Variants in CPNE4 observed in about 807,000 individuals in gnomAD.
The protein encoded by CPNE4 is copine-4.
Under a neutral mutation model 67.9 loss-of-function variants are expected in CPNE4, and 25 were observed. The observed-to-expected ratio is 0.37, with a 90% CI of 0.27 to 0.51. CPNE4 has a LOEUF of 0.51. Ranked by LOEUF, CPNE4 falls within the 20% of genes least tolerant of loss-of-function variation. CPNE4 has a pLI of 0.93. For missense variants in CPNE4, 464 were observed against 690.8 expected, an observed-to-expected ratio of 0.67 and a Z score of 3.68; for synonymous variants, 242 against 244.9, an observed-to-expected ratio of 0.99 and a Z score of 0.11.
chr3:131,988,117 C>T (rs1008532170), intron 1 of CPNE4, among the ~76,000 whole-genome samples: 22 of 152,172 alleles, frequency 1.4e-4, no homozygotes, highest in Non-Finnish European at 2.9e-4. Flanking sequence ...CCCCTTCCCC[C>T]AGGATTTATG....
chr3:131,869,839 T>C (rs1583371118), intron 2 of CPNE4, among the ~76,000 whole-genome samples: 1 of 152,304 alleles, frequency 6.6e-6, no homozygotes, highest in East Asian at 1.9e-4. Flanking sequence ...CATACCAGGC[T>C]GTCTGTTTGG....
chr3:131,905,185 C>T lies in CPNE4; in HGVS notation c.180+79G>A, dbSNP rs1463592264. ...TTTCTTATTTCATCAAAATAAACCA[C>T]CTGAAGATATAAAATATCAAAACAT... is the stretch of plus-strand genomic sequence containing the variant. On this transcript the variant is annotated intron_variant, in intron 2 of 15. Transcript: ENST00000429747. The T allele has an allele frequency of 4.8e-6, 6 of 1,247,680 alleles. No homozygotes were observed. The African/African-American group carries it at 9.0e-5, about 19-fold the overall frequency. The allele number at this position is 1,247,680 out of a possible 1,614,324, so 77.3% of individuals were successfully genotyped here. A position where few individuals can be genotyped will look rare whatever the true frequency, so the allele number is the denominator to read the frequency against.
intron 7 of CPNE4, among the ~76,000 whole-genome samples, chr3:131,590,121 C>T (rs1292552725): frequency 6.6e-6 from 1 of 152,164 alleles, no homozygotes; most frequent in Non-Finnish European, 1.5e-5. Flanking sequence ...TCCCAATTTG[C>T]CCTTCTTCCA....
At position 131,975,268 on chromosome 3, in the gene CPNE4, C is replaced by T. The variant is rs558284884; in HGVS notation, c.-2+59299G>A. 2.1e-3 allele frequency among the ~76,000 whole-genome samples: 316 copies of T among 152,126 alleles called. 1 individual carries two copies. The highest frequency in any genetic ancestry group is 3.4e-3 in the Middle Eastern group (1 of 294). On this transcript the variant is annotated intron_variant, in intron 1 of 15. Transcript: ENST00000429747. ...ACCCAGTCAAAGTCATGAGGAGAAACAGGAAGCGATAAGAAAGTCAGCCTC... is the reference window on the plus strand; with the variant it reads ...ACCCAGTCAAAGTCATGAGGAGAAATAGGAAGCGATAAGAAAGTCAGCCTC...
chr3:131,645,302 TC>T (rs2079639142), intron 7 of CPNE4, among the ~76,000 whole-genome samples: 1 of 152,220 alleles, frequency 6.6e-6, no homozygotes, highest in East Asian at 1.9e-4. Flanking sequence ...CATTTTTTTT[TC>T]TTGGAAACAC....
intron 1 of CPNE4, among the ~76,000 whole-genome samples, chr3:131,938,451 A>G (rs1156577287): frequency 2.0e-5 from 3 of 152,170 alleles, no homozygotes; most frequent in African/African-American, 7.2e-5. Context: ...AAAATGTCTC[A>G]AACAATAATG....
At chr3:132,007,584 A>T (rs940588880) in intron 1 of CPNE4, among the ~76,000 whole-genome samples, 4 of 150,980 alleles carry the variant, frequency 2.6e-5, no homozygotes, top group African/African-American at 4.9e-5. Flanking sequence ...TATGCCTTGG[A>T]GTTGTGCCAT....
Position 131,535,112 on chromosome 3 carries a change from A to C in CPNE4, c.*83T>G. On this transcript the variant is annotated 3_prime_UTR_variant, in exon 16 of 16. Transcript: ENST00000429747. ...AATGTGTATATGTTGTTGGTTTTTTAAAGTACAGGAGTAGTAGAAGTATTA... is the reference window on the plus strand; with the variant it reads ...AATGTGTATATGTTGTTGGTTTTTTCAAGTACAGGAGTAGTAGAAGTATTA... 1.4e-6 allele frequency: 2 copies of C among 1,379,440 alleles called. No homozygotes were observed. Among genetic ancestry groups the C allele is most frequent in the East Asian group, 2.4e-5 (1 of 41,760 alleles). The allele number at this position is 1,379,440 out of a possible 1,614,324, so 85.5% of individuals were successfully genotyped here. A position where few individuals can be genotyped will look rare whatever the true frequency, so the allele number is the denominator to read the frequency against.
intron 2 of CPNE4, among the ~76,000 whole-genome samples, chr3:131,865,572 T>C (rs1360438751): frequency 6.6e-6 from 1 of 152,164 alleles, no homozygotes. Context: ...AAGATAATTA[T>C]TTGTTTATGT....
rs1029676482 is a variant in CPNE4, at chr3:132,035,007, C to T, written c.-442G>A. ...CAGCTTCTCACAGAGAGATTTCCAC[C>T]TTCTGACGAATCCCATGCACCCAGC... is the stretch of plus-strand genomic sequence containing the variant. On this transcript the variant is annotated 5_prime_UTR_variant, in exon 1 of 16. Coordinates refer to ENST00000429747, the MANE Select transcript of CPNE4 (RefSeq NM_130808.3). The T allele has an allele frequency of 4.1e-6, 4 of 985,326 alleles. No homozygotes were observed. Among genetic ancestry groups the T allele is most frequent in the Admixed American group, 6.2e-5 (1 of 16,258 alleles). The allele number at this position is 985,326 out of a possible 1,614,324, so 61.0% of individuals were successfully genotyped here.
At chr3:131,827,319 T>A (rs899171926) in intron 2 of CPNE4, among the ~76,000 whole-genome samples, 1 of 150,876 alleles carries the variant, frequency 6.6e-6, no homozygotes, top group African/African-American at 2.5e-5. Flanking sequence ...ACTGCACACA[T>A]GACTTTAATG....
At chr3:131,703,332 T>C (rs918440283) in intron 3 of CPNE4, among the ~76,000 whole-genome samples, 2 of 152,224 alleles carry the variant, frequency 1.3e-5, no homozygotes, top group African/African-American at 4.8e-5. Context: ...TGATTCTTTA[T>C]ACCCTATGAT....
At chr3:131,866,204 C>T (rs1193274862) in intron 2 of CPNE4, among the ~76,000 whole-genome samples, 4 of 151,228 alleles carry the variant, frequency 2.6e-5, no homozygotes, top group African/African-American at 7.3e-5. Context: ...ATAATCTGAT[C>T]AGTTAGGAAT....
At chr3:131,943,668 G>A (rs1053974679) in intron 1 of CPNE4, among the ~76,000 whole-genome samples, 1 of 152,076 alleles carries the variant, frequency 6.6e-6, no homozygotes, top group South Asian at 2.1e-4. Flanking sequence ...CCAGCCTCTA[G>A]TCCTTCTCCT....
intron 1 of CPNE4, among the ~76,000 whole-genome samples, chr3:132,032,343 C>T (rs141069440): frequency 6.6e-6 from 1 of 152,272 alleles, no homozygotes; most frequent in African/African-American, 2.4e-5. Flanking sequence ...AGTTTGATGG[C>T]CATGGGAGTT....
At chr3:131,969,382 G>T (rs2072443784) in intron 1 of CPNE4, among the ~76,000 whole-genome samples, 1 of 150,504 alleles carries the variant, frequency 6.6e-6, no homozygotes, top group Non-Finnish European at 1.5e-5. Context: ...AAAAAAAAAA[G>T]TAATGGCAAA....
intron 7 of CPNE4, among the ~76,000 whole-genome samples, chr3:131,631,968 C>T (rs1438176489): frequency 6.7e-6 from 1 of 150,332 alleles, no homozygotes; most frequent in Admixed American, 6.6e-5. Context: ...CCCTGTAGTC[C>T]CAGCTTCTCG....
At chr3:132,037,660 C>T, upstream of CPNE4, 1 of 1,498,168 alleles carries the variant, frequency 6.7e-7, no homozygotes, top group South Asian at 1.2e-5. Context: ...CCCTGGTGTT[C>T]CCAAGTTGCA....
chr3:131,541,079 G>GGAAA (rs1277261863), intron 15 of CPNE4, among the ~76,000 whole-genome samples: 5 of 152,172 alleles, frequency 3.3e-5, no homozygotes, highest in Non-Finnish European at 7.3e-5. Context: ...AGGCCTCAGT[G>GGAAA]GAAAGTAGGG....
Sources: gnomAD v4.1 joint callset for allele counts (sites outside exome capture counted in the v4.1 genomes callset) on GRCh38, gnomAD v4.1.1 for gene constraint, MANE v1.5 for transcripts, NCBI Gene and HGNC (gene_info 2026-07-23, HGNC 2026-07-21) for gene names.